Variants in EYA1 observed in about 807,000 individuals in gnomAD.
The protein encoded by EYA1 is protein phosphatase EYA1.
Under a neutral mutation model 82.0 loss-of-function variants are expected in EYA1, and 16 were observed. That is an observed-to-expected ratio of 0.20 (90% confidence interval 0.13 to 0.30). The LOEUF is 0.30. Ranked by LOEUF, EYA1 falls within the 10% of genes least tolerant of loss-of-function variation. The pLI, the probability that EYA1 is intolerant of heterozygous loss-of-function variation, is 1.00. For synonymous variants in EYA1, 261 were observed against 264.4 expected (o/e 0.99, Z 0.12); for missense variants, 633 against 730.7 (o/e 0.87, Z 1.54).
At chr8:71,293,217 G>A (rs993027927) in intron 9 of EYA1, among the ~76,000 whole-genome samples, 2 of 152,080 alleles carry the variant, frequency 1.3e-5, no homozygotes, top group Admixed American at 1.3e-4. Flanking sequence ...TTGAAAGACA[G>A]TCTACCCAAA....
At chr8:71,374,375 T>C (rs1203304522) in intron 2 of EYA1, among the ~76,000 whole-genome samples, 1 of 152,058 alleles carries the variant, frequency 6.6e-6, no homozygotes, top group Non-Finnish European at 1.5e-5. Context: ...AACATGTATA[T>C]AAAAAGATAA....
At chr8:71,504,026 G>A (rs1368096490) in intron 2 of EYA1, among the ~76,000 whole-genome samples, 1 of 152,172 alleles carries the variant, frequency 6.6e-6, no homozygotes, top group African/African-American at 2.4e-5. Flanking sequence ...TAGGTGACAT[G>A]ATCACTTCCT....
chr8:71,516,673 G>T (rs932703783), intron 2 of EYA1, among the ~76,000 whole-genome samples: 1 of 152,076 alleles, frequency 6.6e-6, no homozygotes, highest in Non-Finnish European at 1.5e-5. Flanking sequence ...GAAGAGAAGG[G>T]TGCATATGAG....
intron 7 of EYA1, among the ~76,000 whole-genome samples, chr8:71,312,866 G>T (rs1158242758): frequency 6.6e-6 from 1 of 152,178 alleles, no homozygotes; most frequent in African/African-American, 2.4e-5. Context: ...TGTTGTATGG[G>T]CACTAGAGTT....
At chr8:71,334,753 T>C (rs1169252094) in intron 3 of EYA1, among the ~76,000 whole-genome samples, 1 of 152,236 alleles carries the variant, frequency 6.6e-6, no homozygotes, top group Admixed American at 6.5e-5. Flanking sequence ...CAATATTTTA[T>C]GTATGCTTCG....
At chr8:71,235,784 C>T (rs1013378117) in intron 12 of EYA1, among the ~76,000 whole-genome samples, 11 of 152,084 alleles carry the variant, frequency 7.2e-5, no homozygotes, top group African/African-American at 2.2e-4. Context: ...TCTAAAAAGA[C>T]TACTGGATGC....
At chr8:71,312,111 G>A (rs1329747156) in intron 7 of EYA1, among the ~76,000 whole-genome samples, 3 of 152,204 alleles carry the variant, frequency 2.0e-5, no homozygotes, top group African/African-American at 7.2e-5. Context: ...ACAGTGCTCA[G>A]AAATGAGTTT....
intron 12 of EYA1, among the ~76,000 whole-genome samples, chr8:71,232,055 C>A (rs1283806636): frequency 6.6e-6 from 1 of 152,200 alleles, no homozygotes; most frequent in Non-Finnish European, 1.5e-5. Context: ...AGGTTTTGTG[C>A]AATGATGTTT....
intron 1 of EYA1, among the ~76,000 whole-genome samples, chr8:71,358,155 T>C (rs1827064264): frequency 6.6e-6 from 1 of 152,214 alleles, no homozygotes; most frequent in Non-Finnish European, 1.5e-5. Flanking sequence ...AATATAATTT[T>C]AGTTTCAGTA....
chr8:71,484,230 A>G (rs1170206539), intron 2 of EYA1, among the ~76,000 whole-genome samples: 3 of 152,228 alleles, frequency 2.0e-5, no homozygotes, highest in Non-Finnish European at 4.4e-5. Context: ...GAAAGACCTT[A>G]TTTTAGAATA....
intron 2 of EYA1, among the ~76,000 whole-genome samples, chr8:71,519,902 A>G (rs1813259769): frequency 6.6e-6 from 1 of 152,220 alleles, no homozygotes; most frequent in African/African-American, 2.4e-5. Context: ...TCTACTGAAC[A>G]TGAAGAAATC....
chr8:71,382,139 A>G (rs1322089673), intron 2 of EYA1, among the ~76,000 whole-genome samples: 3 of 152,202 alleles, frequency 2.0e-5, no homozygotes, highest in African/African-American at 4.8e-5. Context: ...ATTTTAGTAG[A>G]ACCGCAGATG....
chr8:71,272,926 C>T (rs1816719773), intron 9 of EYA1, among the ~76,000 whole-genome samples: 1 of 152,128 alleles, frequency 6.6e-6, no homozygotes, highest in African/African-American at 2.4e-5. Context: ...AACAGAAAAC[C>T]ACTGTTTGAA....
intron 12 of EYA1, among the ~76,000 whole-genome samples, chr8:71,218,268 T>C (rs769114501): frequency 2.6e-5 from 4 of 152,170 alleles, no homozygotes; most frequent in Non-Finnish European, 5.9e-5. Flanking sequence ...GCACTTAGAC[T>C]CAACTTCATA....
intron 2 of EYA1, among the ~76,000 whole-genome samples, chr8:71,418,672 T>C (rs115149883): frequency 6.6e-6 from 1 of 152,208 alleles, no homozygotes; most frequent in Non-Finnish European, 1.5e-5. Flanking sequence ...CAACAAATAT[T>C]CATTGAACAC....
chr8:71,523,050 A>G (rs995152518), intron 2 of EYA1, among the ~76,000 whole-genome samples: 4 of 152,164 alleles, frequency 2.6e-5, no homozygotes, highest in African/African-American at 9.7e-5. Context: ...TCCCTTTACA[A>G]GTGCCTTTAG....
chr8:71,459,550 A>G (rs1808211645), intron 2 of EYA1, among the ~76,000 whole-genome samples: 1 of 152,116 alleles, frequency 6.6e-6, no homozygotes, highest in Admixed American at 6.5e-5. Flanking sequence ...TCTTACTTAT[A>G]CTTTTATTTC....
At chr8:71,373,440 G>T (rs1828193769) in intron 2 of EYA1, among the ~76,000 whole-genome samples, 1 of 151,982 alleles carries the variant, frequency 6.6e-6, no homozygotes, top group Non-Finnish European at 1.5e-5. Context: ...GGAAGTAAAA[G>T]ATCCGTACAT....
intron 2 of EYA1, among the ~76,000 whole-genome samples, chr8:71,503,422 G>A (rs896410336): frequency 1.3e-5 from 2 of 151,756 alleles, no homozygotes; most frequent in Admixed American, 6.6e-5. Flanking sequence ...GCAGTGAGCC[G>A]AGATCGTGCC....
Sources: allele counts gnomAD v4.1 joint callset (sites outside exome capture counted in the v4.1 genomes callset), GRCh38; gene constraint gnomAD v4.1.1; transcripts MANE v1.5; gene names NCBI Gene and HGNC (gene_info 2026-07-23, HGNC 2026-07-21).